CSMD1: variants seen among roughly 807,000 people sequenced by gnomAD.
CSMD1 encodes the protein CUB and Sushi multiple domains 1, also known as CUB and sushi domain-containing protein 1.
A neutral mutation model predicts 417.5 loss-of-function variants in CSMD1; 213 were observed. That is an observed-to-expected ratio of 0.51 (90% CI 0.46 to 0.57). The LOEUF (loss-of-function observed/expected upper bound fraction) is 0.57, where lower values mean the gene tolerates loss of function less well. CSMD1 is among the 20% of genes least tolerant of loss of function. CSMD1 has a pLI of 0.00. For synonymous variants in CSMD1, 2,862 were observed against 1,736.8 expected (o/e 1.65, Z -16.11); for missense variants, 6,923 against 4,529.7 (o/e 1.53, Z -15.17).
chr8:3,993,874 A>T (rs1430419949), intron 5 of CSMD1, among the ~76,000 whole-genome samples: 1 of 152,192 alleles, frequency 6.6e-6, no homozygotes, highest in Non-Finnish European at 1.5e-5. Context: ...TGATAATGGG[A>T]TCGACAAAAG....
At chr8:3,493,594 G>A (rs750812412) in intron 11 of CSMD1, 29 bp downstream of exon 11, 6 of 1,567,296 alleles carry the variant, frequency 3.8e-6, no homozygotes, top group South Asian at 1.2e-5. Flanking sequence ...GCATGCATAA[G>A]AGAAGAAGAA....
chr8:4,261,761 G>A (rs1229958594), intron 3 of CSMD1, among the ~76,000 whole-genome samples: 1 of 151,954 alleles, frequency 6.6e-6, no homozygotes, highest in Non-Finnish European at 1.5e-5. Flanking sequence ...TTTTCTATGT[G>A]AAGTGATGAA....
intron 1 of CSMD1, among the ~76,000 whole-genome samples, chr8:4,850,034 G>T (rs529988131): frequency 2.0e-5 from 3 of 152,100 alleles, no homozygotes; most frequent in Admixed American, 2.0e-4. Flanking sequence ...TCTGTGTTAC[G>T]TACGTACTAT....
chr8:3,624,845 A>C (rs1271336098), intron 7 of CSMD1, among the ~76,000 whole-genome samples: 1 of 152,174 alleles, frequency 6.6e-6, no homozygotes, highest in African/African-American at 2.4e-5. Flanking sequence ...ATTGAAAAGT[A>C]ATAGCTCTAT....
At chr8:2,990,605 G>C (rs1563212347) in intron 54 of CSMD1, among the ~76,000 whole-genome samples, 6 of 152,140 alleles carry the variant, frequency 3.9e-5, no homozygotes, top group African/African-American at 1.4e-4. Context: ...AGGAGGTTTT[G>C]AGCAAGAAAC....
intron 25 of CSMD1, among the ~76,000 whole-genome samples, chr8:3,284,954 C>T (rs1028724862): frequency 6.6e-6 from 1 of 152,126 alleles, no homozygotes; most frequent in Non-Finnish European, 1.5e-5. Flanking sequence ...TTTTACCATA[C>T]TTCTATTAGA....
At chr8:3,603,740 G>T (rs1479205938) in intron 8 of CSMD1, among the ~76,000 whole-genome samples, 2 of 151,990 alleles carry the variant, frequency 1.3e-5, no homozygotes, top group Non-Finnish European at 2.9e-5. Context: ...CTGATATATG[G>T]GCTTGATTCT....
Position 3,550,832 on chromosome 8 carries a change from A to C in CSMD1, c.1344+24113T>G, listed in dbSNP as rs1386377855. Among the ~76,000 whole-genome samples, 4 of 152,300 alleles carry C rather than the reference A, an allele frequency of 2.6e-5. No homozygotes were observed. In the East Asian group the frequency reaches 5.8e-4, roughly 22 times the overall value. On this transcript the variant is annotated intron_variant, in intron 10 of 69. Coordinates refer to ENST00000635120, the MANE Select transcript of CSMD1 (RefSeq NM_033225.6). ...TGAATACTTGTTGGATGGAAGAGTAAATATATGGGTAAATAGGGTGTATGC... is the reference window on the plus strand; with the variant it reads ...TGAATACTTGTTGGATGGAAGAGTACATATATGGGTAAATAGGGTGTATGC...
At chr8:3,817,813 G>C (rs1183346599) in intron 5 of CSMD1, among the ~76,000 whole-genome samples, 6 of 152,032 alleles carry the variant, frequency 3.9e-5, no homozygotes, top group African/African-American at 1.4e-4. Flanking sequence ...ATAAGCACGT[G>C]CATCTGGCCA....
rs559595000 is a variant in CSMD1, at chr8:4,749,608, G to C, written c.86-112050C>G. 2.3e-3 allele frequency among the ~76,000 whole-genome samples: 352 copies of C among 152,228 alleles called. 2 individuals are homozygous for C. Among genetic ancestry groups the C allele is most frequent in the South Asian group, 4.6e-3 (22 of 4,820 alleles). ...GATCTTGTACAGAGGATAATTATCTGTTCTTGGAATGTACCAGCGTCAAAA... is the reference window on the plus strand; with the variant it reads ...GATCTTGTACAGAGGATAATTATCTCTTCTTGGAATGTACCAGCGTCAAAA... On this transcript the variant is annotated intron_variant, in intron 1 of 69. Coordinates refer to ENST00000635120, the MANE Select transcript of CSMD1 (RefSeq NM_033225.6).
At chr8:3,621,308 C>G (rs773149577) in intron 7 of CSMD1, among the ~76,000 whole-genome samples, 1 of 152,108 alleles carries the variant, frequency 6.6e-6, no homozygotes, top group African/African-American at 2.4e-5. Context: ...TAATAAGTAA[C>G]AGAATGCAAC....
At chr8:4,459,458 G>A (rs1197781491) in intron 2 of CSMD1, among the ~76,000 whole-genome samples, 1 of 152,172 alleles carries the variant, frequency 6.6e-6, no homozygotes, top group Non-Finnish European at 1.5e-5. Context: ...TTCCCAAGAG[G>A]AGAGATAGAG....
intron 7 of CSMD1, among the ~76,000 whole-genome samples, chr8:3,680,580 G>A (rs1799599753): frequency 6.6e-6 from 1 of 152,088 alleles, no homozygotes; most frequent in Non-Finnish European, 1.5e-5. Flanking sequence ...AGGACCAGAT[G>A]GATTCACAGC....
intron 2 of CSMD1, among the ~76,000 whole-genome samples, chr8:4,572,556 C>G (rs914208575): frequency 6.6e-6 from 1 of 152,098 alleles, no homozygotes; most frequent in African/African-American, 2.4e-5. Context: ...AGCATTTTTT[C>G]CTGTGTTTCA....
intron 23 of CSMD1, among the ~76,000 whole-genome samples, chr8:3,329,083 T>C (rs1212013373): frequency 6.6e-6 from 1 of 151,888 alleles, no homozygotes; most frequent in Admixed American, 6.6e-5. Context: ...AGATATGTAG[T>C]TGAGGGAGAG....
chr8:4,429,241 A>T (rs568504621), intron 2 of CSMD1, among the ~76,000 whole-genome samples: 1 of 152,154 alleles, frequency 6.6e-6, no homozygotes, highest in South Asian at 2.1e-4. Context: ...TTTTAAAAAC[A>T]TCATGAGATT....
intron 18 of CSMD1, among the ~76,000 whole-genome samples, chr8:3,370,297 G>A (rs1406223850): frequency 1.3e-5 from 2 of 152,136 alleles, no homozygotes. Context: ...AAGAATAAAA[G>A]GAAATGGAGT....
chr8:3,491,468 T>C (rs575702071), intron 11 of CSMD1, among the ~76,000 whole-genome samples: 1 of 152,336 alleles, frequency 6.6e-6, no homozygotes, highest in South Asian at 2.1e-4. Flanking sequence ...ATTACTAGTG[T>C]TATTCTCATC....
chr8:3,124,395 T>A (rs1271348554), intron 41 of CSMD1, among the ~76,000 whole-genome samples: 1 of 152,182 alleles, frequency 6.6e-6, no homozygotes, highest in East Asian at 1.9e-4. Context: ...ATATAAAACC[T>A]GGTTAAGGTT....
Sources: gnomAD v4.1 joint callset for allele counts (sites outside exome capture counted in the v4.1 genomes callset) on GRCh38, gnomAD v4.1.1 for gene constraint, MANE v1.5 for transcripts, NCBI Gene and HGNC (gene_info 2026-07-23, HGNC 2026-07-21) for gene names.